The following DYSF variants were observed in gnomAD, a reference collection of about 807,000 sequenced individuals.
The protein encoded by DYSF is dysferlin.
DYSF carries 212 observed loss-of-function variants against 274.9 expected under a neutral mutation model. That is an observed-to-expected ratio of 0.77 (90% CI 0.69 to 0.86). The LOEUF (loss-of-function observed/expected upper bound fraction) is 0.86. DYSF is among the 40% of genes least tolerant of loss of function. The pLI is 0.00. For synonymous variants in DYSF, 1,091 were observed against 1,078.7 expected, an observed-to-expected ratio of 1.01 and a Z score of -0.22; for missense variants, 2,666 against 2,783.2, an observed-to-expected ratio of 0.96 and a Z score of 0.95.
chr2:71,665,436 C>T (rs1411033340), intron 47 of DYSF, 132 bp downstream of exon 47: 25 of 1,152,754 alleles, frequency 2.2e-5, no homozygotes, highest in Non-Finnish European at 2.8e-5. Flanking sequence ...CTCTCCAGGG[C>T]AGCACAGATG....
intron 24 of DYSF, among the ~76,000 whole-genome samples, chr2:71,565,982 TGTGA>T (rs1329099777): frequency 2.6e-5 from 4 of 152,204 alleles, no homozygotes; most frequent in African/African-American, 4.8e-5. Flanking sequence ...CACACAGTTG[TGTGA>T]GTGAGTGTGT....
chr2:71,516,364 G>T, intron 9 of DYSF, 122 bp downstream of exon 9: 2 of 959,776 alleles, frequency 2.1e-6, no homozygotes, highest in South Asian at 2.7e-5. Flanking sequence ...GCGTGAATGC[G>T]TGTGTGTGCC....
chr2:71,496,942 C>T (rs1333167855), intron 3 of DYSF, among the ~76,000 whole-genome samples: 1 of 152,182 alleles, frequency 6.6e-6, no homozygotes, highest in Non-Finnish European at 1.5e-5. Flanking sequence ...ACAGGAGGCT[C>T]ACTGTAGAGT....
chr2:71,670,337 A>G (rs1281382513), intron 51 of DYSF, among the ~76,000 whole-genome samples: 1 of 152,224 alleles, frequency 6.6e-6, no homozygotes, highest in Non-Finnish European at 1.5e-5. Flanking sequence ...GACACCCAGC[A>G]TGGCCTTCAA....
chr2:71,575,756 T>C (rs10190437), intron 30 of DYSF, among the ~76,000 whole-genome samples: 89,582 of 151,992 alleles, frequency 0.59, 26,692 homozygotes, highest in East Asian at 0.83. Flanking sequence ...GCCAGAGCTC[T>C]ACTCAAAGGG....
chr2:71,589,510 G>A, intron 30 of DYSF, 83 bp from the exon 31 acceptor site: 1 of 1,084,410 alleles, frequency 9.2e-7, no homozygotes, highest in South Asian at 1.2e-5. Context: ...TCCTGGCCCT[G>A]GGGATCTAAC....
At chr2:71,532,997 G>A (rs2088922325) in intron 14 of DYSF, among the ~76,000 whole-genome samples, 1 of 152,168 alleles carries the variant, frequency 6.6e-6, no homozygotes, top group African/African-American at 2.4e-5. Flanking sequence ...TGATGCACGT[G>A]TAAGCAAATA....
intron 22 of DYSF, among the ~76,000 whole-genome samples, chr2:71,560,512 A>G (rs2091667422): frequency 7.6e-6 from 1 of 132,176 alleles, no homozygotes; most frequent in African/African-American, 2.9e-5. Flanking sequence ...TAAATATTAT[A>G]TTACTACAGG....
At chr2:71,467,420 A>G (rs1163725795) in intron 1 of DYSF, among the ~76,000 whole-genome samples, 1 of 152,244 alleles carries the variant, frequency 6.6e-6, no homozygotes, top group Non-Finnish European at 1.5e-5. Context: ...CAGTAGGAAA[A>G]GGAACAGAAT....
intron 54 of DYSF, 83 bp downstream of exon 54, chr2:71,681,193 A>T: frequency 7.5e-7 from 1 of 1,337,020 alleles, no homozygotes; most frequent in Non-Finnish European, 1.1e-6. Context: ...TTGCATGGCC[A>T]TGTAGAAGTC....
rs142982456 is a variant in DYSF at position 71,508,681 on chromosome 2, G to A, written c.346-3126G>A. 4.8e-3 allele frequency among the ~76,000 whole-genome samples: 728 copies of A among 152,226 alleles called. 7 individuals are homozygous for A. Among genetic ancestry groups the A allele is most frequent in the African/African-American group, 0.017 (693 of 41,518 alleles). On this transcript the variant is annotated intron_variant, in intron 4 of 55. Coordinates refer to ENST00000410020, the MANE Select transcript of DYSF (RefSeq NM_001130987.2). Reference sequence around the variant, plus strand: ...CTATCAGGTGGGATGATTGTGATTCGTTTGGTTACCACACTGTTAACTGTG... The same window carrying A: ...CTATCAGGTGGGATGATTGTGATTCATTTGGTTACCACACTGTTAACTGTG...
In DYSF at chr2:71,663,331, T is replaced by C. The variant is rs116138591; in HGVS notation, c.5004-937T>C. Among the ~76,000 whole-genome samples the C allele has an allele frequency of 4.0e-3, 609 of 152,322 alleles. 5 individuals are homozygous for C. The highest frequency in any genetic ancestry group is 0.014 in the African/African-American group (589 of 41,574). ...TGGGATATGGCAGATGCTGCGTCCC[T>C]TTAGCTGCTGTCCCCAGCCCCTGGT... On this transcript the variant is annotated intron_variant, in intron 45 of 55. Transcript: ENST00000410020.
chr2:71,482,593 G>A lies in DYSF; in HGVS notation c.239+623G>A, dbSNP rs567391077. ...GCAAAAGCAGGCTCCCCCTAGGCAG[G>A]CGATGAATCCCTTCTCTTGCCATTG... On this transcript the variant is annotated intron_variant, in intron 3 of 55. Transcript: ENST00000410020. Among the ~76,000 whole-genome samples the A allele has an allele frequency of 5.3e-5, 8 of 152,258 alleles. No homozygotes were observed. The South Asian group carries it at 1.7e-3, about 32-fold the overall frequency.
chr2:71,626,340 GA>G (rs1198238806), intron 41 of DYSF, among the ~76,000 whole-genome samples: 5 of 150,992 alleles, frequency 3.3e-5, no homozygotes, highest in Admixed American at 3.3e-4. Flanking sequence ...AAATTTTATT[GA>G]ATGTTTTTAA....
At chr2:71,664,165 A>C in intron 45 of DYSF, 103 bp from the exon 46 acceptor site, 1 of 1,481,230 alleles carries the variant, frequency 6.8e-7, no homozygotes, top group Admixed American at 1.7e-5. Flanking sequence ...TAGGGGGCCC[A>C]AGGAAAGAAG....
intron 17 of DYSF, among the ~76,000 whole-genome samples, chr2:71,542,784 C>T (rs1414090388): frequency 4.6e-5 from 7 of 152,220 alleles, no homozygotes; most frequent in Admixed American, 1.3e-4. Flanking sequence ...TCCACACAGA[C>T]ACAGCAACAA....
intron 17 of DYSF, among the ~76,000 whole-genome samples, chr2:71,548,960 T>C (rs897232437): frequency 2.0e-5 from 3 of 152,208 alleles, no homozygotes; most frequent in African/African-American, 7.2e-5. Flanking sequence ...CACCCTCCCG[T>C]TGTGTCTGTA....
At chr2:71,535,366 T>G in intron 16 of DYSF, 55 bp downstream of exon 16, 1 of 1,508,182 alleles carries the variant, frequency 6.6e-7, no homozygotes, top group Non-Finnish European at 9.2e-7. Context: ...GGGCGCTGGG[T>G]CCCTCAGTTT....
At chr2:71,571,183 GCA>G (rs548977074) in intron 29 of DYSF, among the ~76,000 whole-genome samples, 155 of 123,764 alleles carry the variant, frequency 1.3e-3, no homozygotes, top group East Asian at 2.0e-3. Flanking sequence ...ATCACACCCA[GCA>G]CACACACACA....
Sources: gnomAD v4.1 joint callset for allele counts (sites outside exome capture counted in the v4.1 genomes callset) on GRCh38, gnomAD v4.1.1 for gene constraint, MANE v1.5 for transcripts, NCBI Gene and HGNC (gene_info 2026-07-23, HGNC 2026-07-21) for gene names.